ANXA2: variants seen among roughly 807,000 people sequenced by gnomAD.
ANXA2 encodes the protein annexin II.
In ANXA2, 28 loss-of-function variants were observed where a neutral mutation model predicts 47.3. The ratio of observed to expected loss-of-function variants is 0.59; its 90% CI spans 0.44 to 0.81. ANXA2 has a LOEUF of 0.81. Among genes scored for constraint, ANXA2 ranks in the 40% least tolerant of loss-of-function variants. The pLI is 0.00. For missense variants in ANXA2, 384 were observed against 414.3 expected (o/e 0.93, Z 0.64); for synonymous variants, 172 against 155.5 (o/e 1.11, Z -0.79).
At chr15:60,353,900 T>C (rs552713459) in intron 8 of ANXA2, among the ~76,000 whole-genome samples, 21 of 152,322 alleles carry the variant, frequency 1.4e-4, no homozygotes, top group Non-Finnish European at 2.5e-4. Flanking sequence ...CAGATTCCCT[T>C]GACCCAGTCA....
chr15:60,393,429 G>T lies in ANXA2; in HGVS notation c.-12+4514C>A, dbSNP rs1177519308. On this transcript the variant is annotated intron_variant, in intron 1 of 12. Transcript: ENST00000451270. ...TGGCCCACATATTGTATTTTCAACA[G>T]GGCCTGGCCGCCTACAGAAAAAAGT... 6.0e-6 allele frequency: 6 copies of T among 1,004,812 alleles called. No homozygotes were observed. The African/African-American group carries it at 1.0e-4, about 17-fold the overall frequency. 62.2% of individuals were successfully genotyped at this position (1,004,812 alleles called of 1,614,324 possible).
chr15:60,385,911 G>A (rs1161359072), intron 2 of ANXA2, 117 bp downstream of exon 2: 3 of 639,982 alleles, frequency 4.7e-6, no homozygotes, highest in Non-Finnish European at 8.1e-6. Flanking sequence ...AGAACCAAAT[G>A]ATGACTGTCT....
intron 3 of ANXA2, among the ~76,000 whole-genome samples, chr15:60,370,060 G>C (rs2062691964): frequency 2.0e-5 from 3 of 152,166 alleles, no homozygotes; most frequent in African/African-American, 7.2e-5. Flanking sequence ...AAGAGCCTGG[G>C]TGGTTAACGT....
chr15:60,381,028 G>T (rs960227580), intron 3 of ANXA2, among the ~76,000 whole-genome samples: 1 of 151,926 alleles, frequency 6.6e-6, no homozygotes, highest in Non-Finnish European at 1.5e-5. Flanking sequence ...TGGAAACAAG[G>T]TCACCAGATT....
intron 1 of ANXA2, 130 bp downstream of exon 1, chr15:60,397,813 C>A (rs555448796): frequency 1.5e-6 from 2 of 1,346,160 alleles, no homozygotes; most frequent in African/African-American, 1.5e-5. Context: ...GTCCCTTCAG[C>A]CCCCTGCCCC....
chr15:60,375,162 T>C (rs1273116512), intron 3 of ANXA2, among the ~76,000 whole-genome samples: 1 of 152,168 alleles, frequency 6.6e-6, no homozygotes, highest in East Asian at 1.9e-4. Context: ...GCAGTTCTAT[T>C]TTAAAAGTAT....
intron 3 of ANXA2, among the ~76,000 whole-genome samples, chr15:60,368,548 A>G (rs1189825977): frequency 6.6e-6 from 1 of 152,080 alleles, no homozygotes; most frequent in Non-Finnish European, 1.5e-5. Flanking sequence ...AATATCCACA[A>G]TAAAGGTACT....
Position 60,349,058 on chromosome 15 carries a change from C to A in ANXA2, c.960+17G>T, listed in dbSNP as rs1033573159. Reference sequence around the variant, plus strand: ...CTCTGGACGGCAGGGCAGGCTGACACTGCACCTCGGGCTTACCTGGATATA... The same window carrying A: ...CTCTGGACGGCAGGGCAGGCTGACAATGCACCTCGGGCTTACCTGGATATA... On this transcript the variant is annotated intron_variant, in intron 12 of 12. Coordinates refer to ENST00000451270, the MANE Select transcript of ANXA2 (RefSeq NM_004039.3). The A allele has an allele frequency of 6.2e-7, 1 of 1,613,780 alleles. No homozygotes were observed. The highest frequency in any genetic ancestry group is 1.1e-5 in the South Asian group (1 of 91,082).
intron 1 of ANXA2, chr15:60,393,565 G>T (rs2063042467): frequency 2.0e-6 from 2 of 985,292 alleles, no homozygotes; most frequent in South Asian, 4.7e-5. Context: ...GAGTTAACTG[G>T]ACTGTTAACT....
chr15:60,360,243 C>T (rs1423676227), intron 5 of ANXA2, among the ~76,000 whole-genome samples: 1 of 151,880 alleles, frequency 6.6e-6, no homozygotes, highest in African/African-American at 2.4e-5. Context: ...GCAACAAGAG[C>T]GAAATCCATC....
Position 60,367,397 on chromosome 15 carries a change from G to GGC in ANXA2, c.149-2875_149-2874insGC, listed in dbSNP as rs1294376277. Among the ~76,000 whole-genome samples, 2 of 86,330 alleles carry GGC rather than the reference G, an allele frequency of 2.3e-5. 1 individual carries two copies. The highest frequency in any genetic ancestry group is 1.1e-4 in the African/African-American group (2 of 18,816). 56.6% of individuals were successfully genotyped at this position (86,330 alleles called of 152,430 possible). A position where few individuals can be genotyped will look rare whatever the true frequency, so the allele number is the denominator to read the frequency against. The stretch of plus-strand genomic sequence containing the variant: ...CCGCCCGGTCCGGGAGGGAGGCGGG[G>GGC]GGGGGTCGGCCAGCCGCCCCGTCCG... On this transcript the variant is annotated intron_variant, in intron 3 of 12. Transcript: ENST00000451270.
intron 5 of ANXA2, among the ~76,000 whole-genome samples, chr15:60,359,434 G>A (rs1427559241): frequency 2.0e-5 from 3 of 152,100 alleles, no homozygotes; most frequent in East Asian, 1.9e-4. Flanking sequence ...TTTCAGGAGC[G>A]CTATTTTTAT....
Position 60,360,956 on chromosome 15 carries a change from T to C in ANXA2, c.342A>G (p.Leu114=). The change falls in exon 5 of 13, where the codon CTA becomes CTG. Residue 114 remains leucine (L), a synonymous_variant. Transcript: ENST00000451270. ...KTPAQYDASE[L]KASMKGLGTD... ...ATGCATTTACCTTCATGGAAGCTTT[T>C]AGCTCAGAAGCGTCATACTGAGCAG... The C allele has an allele frequency of 1.2e-6, 2 of 1,608,030 alleles. No individual in the cohort carries two copies. The highest frequency in any genetic ancestry group is 1.7e-6 in the Non-Finnish European group (2 of 1,174,470).
intron 3 of ANXA2, among the ~76,000 whole-genome samples, chr15:60,369,926 C>T (rs542498002): frequency 1.3e-5 from 2 of 152,300 alleles, no homozygotes; most frequent in East Asian, 3.9e-4. Context: ...AGAGTTCACT[C>T]CACAAGCCGC....
intron 3 of ANXA2, among the ~76,000 whole-genome samples, chr15:60,367,247 G>C (rs1423548096): frequency 8.2e-6 from 1 of 121,634 alleles, no homozygotes; most frequent in Non-Finnish European, 1.8e-5. Context: ...CCGGCCAGCC[G>C]CCCCGTCCGG....
chr15:60,355,277 A>T (rs543738623), intron 7 of ANXA2, among the ~76,000 whole-genome samples: 14 of 152,136 alleles, frequency 9.2e-5, no homozygotes, highest in Admixed American at 8.5e-4. Flanking sequence ...GGTAGCGAAG[A>T]GAGGAGAGCG....
intron 1 of ANXA2, chr15:60,395,507 C>A (rs1011953009): frequency 6.6e-6 from 1 of 152,154 alleles, no homozygotes; most frequent in African/African-American, 2.4e-5. Context: ...GCATTAGTGC[C>A]AGATTCTAGG....
At position 60,364,423 on chromosome 15, in the gene ANXA2, CT is replaced by C; in HGVS notation, c.243+5del. 1 of 1,608,468 alleles carries C rather than the reference CT, an allele frequency of 6.2e-7. No homozygotes were observed. On this transcript the variant is annotated splice_donor_5th_base_variant and intron_variant, in intron 4 of 12. Transcript: ENST00000451270. ...AAATGCCCTCCATCCCTGGAATTGC[CT>C]GTACCTTTTTGGTCCTTCTCTGGTA...
intron 1 of ANXA2, among the ~76,000 whole-genome samples, chr15:60,388,203 A>C (rs1485373366): frequency 6.6e-6 from 1 of 152,040 alleles, no homozygotes; most frequent in Non-Finnish European, 1.5e-5. Flanking sequence ...AAAAAAAAAG[A>C]CAATTTAGAA....
Sources: gnomAD v4.1 joint callset for allele counts (sites outside exome capture counted in the v4.1 genomes callset) on GRCh38, gnomAD v4.1.1 for gene constraint, MANE v1.5 for transcripts, NCBI Gene and HGNC (gene_info 2026-07-23, HGNC 2026-07-21) for gene names.